The following MMEL1 variants were observed in gnomAD, a reference collection of about 807,000 sequenced individuals.
MMEL1 encodes the protein membrane metalloendopeptidase like 1, also known as membrane metallo-endopeptidase-like 1.
In MMEL1, 98 loss-of-function variants were observed where a neutral mutation model predicts 117.1. The ratio of observed to expected loss-of-function variants is 0.84; its 90% CI spans 0.71 to 0.99. MMEL1 has a LOEUF of 0.99. MMEL1 is among the 50% of genes least tolerant of loss of function. MMEL1 has a pLI of 0.00. For missense variants in MMEL1, 1,014 were observed against 1,049.1 expected (o/e 0.97, Z 0.46); for synonymous variants, 390 against 415.1 (o/e 0.94, Z 0.74).
At chr1:2,604,122 T>TACCC in intron 10 of MMEL1, 25 bp downstream of exon 10, 54 of 1,357,396 alleles carry the variant, frequency 4.0e-5, no homozygotes, top group Non-Finnish European at 5.2e-5. Flanking sequence ...CGCTGCCCGC[T>TACCC]CCCCACCCGC....
Position 2,604,135 on chromosome 1 carries a change from C to CCCCCCCCAAAAAA in MMEL1, c.951+11_951+12insTTTTTTGGGGGGG. 1 of 1,520,164 alleles carries CCCCCCCCAAAAAA rather than the reference C, an allele frequency of 6.6e-7. No individual in the cohort carries two copies. Among genetic ancestry groups the CCCCCCCCAAAAAA allele is most frequent in the Non-Finnish European group, 9.1e-7 (1 of 1,100,356 alleles). The allele number at this position is 1,520,164 out of a possible 1,614,324, so 94.2% of individuals were successfully genotyped here. On this transcript the variant is annotated intron_variant, in intron 10 of 23. Coordinates refer to ENST00000378412, the MANE Select transcript of MMEL1 (RefSeq NM_033467.4). ...CTCGCTGCCCGCTCCCCACCCGCCC[C>CCCCCCCCAAAAAA]GGCCCCCTTACCTTGGCCAGCTGTG... is the stretch of plus-strand genomic sequence containing the variant.
chr1:2,617,194 G>T (rs1397128866), intron 2 of MMEL1, among the ~76,000 whole-genome samples: 1 of 152,064 alleles, frequency 6.6e-6, no homozygotes, highest in African/African-American at 2.4e-5. Flanking sequence ...TTGGGAGGCC[G>T]AGGCGGGCGG....
In MMEL1 at chr1:2,629,464, T is replaced by G. The variant is rs4648659; in HGVS notation, c.21A>C (p.Pro7=). 987,246 of 1,528,842 alleles carry G rather than the reference T, an allele frequency of 0.65. 322,736 individuals are homozygous for G. Among genetic ancestry groups the G allele is most frequent in the Middle Eastern group, 0.7 (3,581 of 5,142 alleles). 94.7% of individuals were successfully genotyped at this position (1,528,842 alleles called of 1,614,324 possible). A position where few individuals can be genotyped will look rare whatever the true frequency, so the allele number is the denominator to read the frequency against. Reference sequence around the variant, plus strand: ...GGCCGGCGCTCTCCACCATCCCCACTGGGCCTTCGGACTTCCCCATCAGCA... The same window carrying G: ...GGCCGGCGCTCTCCACCATCCCCACGGGGCCTTCGGACTTCCCCATCAGCA... MGKSEG[P]VGMVESAGRA... The change falls in exon 2 of 24, where the codon CCA becomes CCC. Residue 7 remains proline (P), a synonymous_variant. Transcript: ENST00000378412.
chr1:2,629,642 C>G (rs964906081), intron 1 of MMEL1, 121 bp from the exon 2 acceptor site: 1 of 838,568 alleles, frequency 1.2e-6, no homozygotes, highest in Non-Finnish European at 1.7e-6. Context: ...ACACTCTTCC[C>G]GTCTCCCTCT....
intron 11 of MMEL1, among the ~76,000 whole-genome samples, chr1:2,599,896 T>G (rs1644905028): frequency 6.7e-6 from 1 of 150,358 alleles, no homozygotes; most frequent in Non-Finnish European, 1.5e-5. Context: ...AGAAGGAAAA[T>G]TCTATAACCT....
At position 2,607,172 on chromosome 1, in the gene MMEL1, G is replaced by A. The variant is rs1034606646; in HGVS notation, c.536-103C>T. On this transcript the variant is annotated intron_variant, in intron 6 of 23. Transcript: ENST00000378412. ...TTGGCCGGCGTCACAGGTCCCCACA[G>A]CCCCTGCAGTGCTCCGCGAGAGGCG... The A allele has an allele frequency of 6.3e-6, 6 of 950,070 alleles. No individual in the cohort carries two copies. In the African/African-American group the frequency reaches 9.7e-5, roughly 15 times the overall value. The allele number at this position is 950,070 out of a possible 1,614,324, so 58.9% of individuals were successfully genotyped here. A position where few individuals can be genotyped will look rare whatever the true frequency, so the allele number is the denominator to read the frequency against.
chr1:2,626,852 G>A (rs1638304034), intron 2 of MMEL1, among the ~76,000 whole-genome samples: 1 of 152,094 alleles, frequency 6.6e-6, no homozygotes, highest in Non-Finnish European at 1.5e-5. Context: ...AACAAGGCAA[G>A]AAAAGAGAAA....
chr1:2,593,893 C>T lies in MMEL1; in HGVS notation c.1788G>A (p.Lys596=). 2 of 1,612,136 alleles carry T rather than the reference C, an allele frequency of 1.2e-6. No homozygotes were observed. Among genetic ancestry groups the T allele is most frequent in the Non-Finnish European group, 1.7e-6 (2 of 1,179,064 alleles). ...CAAAGTTCAAGGCCTGTGGCTGCTCCTTGCTGAAGAAGGGGGGCTGGAGGA... is the reference window on the plus strand; with the variant it reads ...CAAAGTTCAAGGCCTGTGGCTGCTCTTTGCTGAAGAAGGGGGGCTGGAGGA... ...AGILQPPFFS[K]EQPQALNFGG... is the part of the protein sequence containing the mutation. The change falls in exon 19 of 24, where the codon AAG becomes AAA. Residue 596 remains lysine (K), a synonymous_variant. Coordinates refer to ENST00000378412, the MANE Select transcript of MMEL1 (RefSeq NM_033467.4).
intron 11 of MMEL1, among the ~76,000 whole-genome samples, chr1:2,603,479 C>T (rs1268380691): frequency 6.6e-6 from 1 of 152,138 alleles, no homozygotes; most frequent in Non-Finnish European, 1.5e-5. Flanking sequence ...GGGGGAACTG[C>T]TACCCTCAGG....
intron 8 of MMEL1, 74 bp from the exon 9 acceptor site, chr1:2,605,697 C>T (rs867217905): frequency 2.7e-5 from 31 of 1,134,572 alleles, no homozygotes; most frequent in Middle Eastern, 2.1e-4. Flanking sequence ...AGGCTGCAGC[C>T]GCCTCCCCAC....
rs1645151632 is a variant in MMEL1, at chr1:2,612,884, C to G, written c.155-680G>C. Among the ~76,000 whole-genome samples the G allele has an allele frequency of 6.6e-6, 1 of 152,142 alleles. No homozygotes were observed. Among genetic ancestry groups the G allele is most frequent in the Admixed American group, 6.5e-5 (1 of 15,286 alleles). On this transcript the variant is annotated intron_variant, in intron 2 of 23. Coordinates refer to ENST00000378412, the MANE Select transcript of MMEL1 (RefSeq NM_033467.4). The surrounding 1 kb of genome is among the most constrained non-coding windows in gnomAD (Gnocchi z 5.4). ...GAGGTGACAAGCCAGGCCTGGCTAC[C>G]TTCAGACCTGGCTTGTGGCCGAATT... is the stretch of plus-strand genomic sequence containing the variant.
intron 13 of MMEL1, 75 bp from the exon 14 acceptor site, chr1:2,596,764 C>T (rs1370229069): frequency 5.7e-6 from 9 of 1,573,316 alleles, no homozygotes; most frequent in East Asian, 2.3e-5. Context: ...CCTGGGCTTA[C>T]GGGGTGAGCA....
At chr1:2,632,275 G>C (rs944404986) in intron 1 of MMEL1, among the ~76,000 whole-genome samples, 2 of 152,196 alleles carry the variant, frequency 1.3e-5, no homozygotes, top group Non-Finnish European at 2.9e-5. Context: ...AGCCCCCTGG[G>C]AACGTCAGCT....
In MMEL1 at chr1:2,594,282, G is replaced by T; in HGVS notation, c.1747+103C>A. 7.3e-6 allele frequency: 9 copies of T among 1,237,636 alleles called. No individual in the cohort carries two copies. In the East Asian group the frequency reaches 2.0e-4, roughly 28 times the overall value. The allele number at this position is 1,237,636 out of a possible 1,614,324, so 76.7% of individuals were successfully genotyped here. A position where few individuals can be genotyped will look rare whatever the true frequency, so the allele number is the denominator to read the frequency against. On this transcript the variant is annotated intron_variant, in intron 18 of 23. Transcript: ENST00000378412. ...ACATAGGAGAATGTTCCAAGAACAG[G>T]CTGGGGTGCCCCCAGGAGGAAGGGA...
In MMEL1 at chr1:2,609,449, G is replaced by T. The variant is rs1165943047; in HGVS notation, c.455-30C>A. The stretch of plus-strand genomic sequence containing the variant: ...GGGCACAGGAAAAGGTTGGACAGAG[G>T]CCTGACGAGGCTGCAGGGGCCAGGT... On this transcript the variant is annotated intron_variant, in intron 5 of 23. Coordinates refer to ENST00000378412, the MANE Select transcript of MMEL1 (RefSeq NM_033467.4). The T allele has an allele frequency of 3.8e-6, 6 of 1,596,508 alleles. No individual in the cohort carries two copies. The African/African-American group carries it at 5.4e-5, about 14-fold the overall frequency.
intron 2 of MMEL1, among the ~76,000 whole-genome samples, chr1:2,626,191 G>C (rs1184370105): frequency 6.6e-6 from 1 of 152,184 alleles, no homozygotes; most frequent in African/African-American, 2.4e-5. Flanking sequence ...TGGCTGGATG[G>C]TCAGGGACTT....
At chr1:2,624,627 T>A (rs1645341599) in intron 2 of MMEL1, among the ~76,000 whole-genome samples, 1 of 152,214 alleles carries the variant, frequency 6.6e-6, no homozygotes, top group Non-Finnish European at 1.5e-5. Context: ...CCCACAGCAG[T>A]GTATTGTGAT....
intron 23 of MMEL1, 191 bp from the exon 24 acceptor site, chr1:2,591,280 C>T (rs950274013): frequency 3.4e-6 from 2 of 596,428 alleles, no homozygotes; most frequent in South Asian, 2.1e-5. Context: ...AATAACCTCC[C>T]CTCCAGCCAG....
intron 4 of MMEL1, among the ~76,000 whole-genome samples, chr1:2,610,565 C>T (rs763296296): frequency 2.0e-5 from 3 of 152,208 alleles, no homozygotes; most frequent in African/African-American, 7.2e-5. Flanking sequence ...CCTCACTCAT[C>T]AGTGTGCTTG....
Sources: gnomAD v4.1 joint callset for allele counts (sites outside exome capture counted in the v4.1 genomes callset) on GRCh38, gnomAD v4.1.1 for gene constraint, Gnocchi (gnomAD v3.1) non-coding constraint, MANE v1.5 for transcripts, NCBI Gene and HGNC (gene_info 2026-07-23, HGNC 2026-07-21) for gene names.